The following GPM6A variants were observed in gnomAD, a reference collection of about 807,000 sequenced individuals.
The protein encoded by GPM6A is neuronal membrane glycoprotein M6-a.
A neutral mutation model predicts 32.1 loss-of-function variants in GPM6A; 7 were observed. The observed-to-expected ratio is 0.22, with a 90% CI of 0.12 to 0.41. GPM6A has a LOEUF of 0.41. Among genes scored for constraint, GPM6A ranks in the 10% least tolerant of loss-of-function variants. GPM6A has a pLI of 1.00. For missense variants in GPM6A, 235 were observed against 347.2 expected (o/e 0.68, Z 2.57); for synonymous variants, 130 against 123.4 (o/e 1.05, Z -0.35).
chr4:175,951,496 A>T (rs1278217535), intron 1 of GPM6A, among the ~76,000 whole-genome samples: 1 of 152,162 alleles, frequency 6.6e-6, no homozygotes, highest in Non-Finnish European at 1.5e-5. Flanking sequence ...ATTACCTCTG[A>T]CGGCGAAATA....
chr4:175,895,095 A>T (rs1281451995), intron 1 of GPM6A, among the ~76,000 whole-genome samples: 2 of 152,178 alleles, frequency 1.3e-5, no homozygotes, highest in African/African-American at 2.4e-5. Flanking sequence ...TGAACTTTAA[A>T]GCAAACTCAA....
At chr4:175,811,968 A>C (rs756570025) in intron 1 of GPM6A, 33 of 461,092 alleles carry the variant, frequency 7.2e-5, no homozygotes, top group Non-Finnish European at 1.2e-4. Context: ...CTTCTCACTA[A>C]TACTCGACTC....
chr4:175,887,031 T>A (rs1334013441), intron 1 of GPM6A, among the ~76,000 whole-genome samples: 5 of 151,908 alleles, frequency 3.3e-5, no homozygotes, highest in Non-Finnish European at 7.4e-5. Context: ...ACAAAATATT[T>A]CCACACAAAA....
At chr4:175,781,501 C>T (rs940393279) in intron 1 of GPM6A, among the ~76,000 whole-genome samples, 1 of 152,184 alleles carries the variant, frequency 6.6e-6, no homozygotes, top group African/African-American at 2.4e-5. Context: ...TTCTACTTCA[C>T]AGCACCAAGT....
intron 2 of GPM6A, among the ~76,000 whole-genome samples, chr4:175,688,837 A>G (rs73020160): frequency 0.047 from 7,174 of 151,868 alleles, 204 homozygotes; most frequent in Non-Finnish European, 0.063. Flanking sequence ...GGTTTTTGTT[A>G]TTTTCTGTTT....
upstream of GPM6A, among the ~76,000 whole-genome samples, chr4:175,814,687 A>G (rs1302766798): frequency 6.6e-6 from 1 of 152,210 alleles, no homozygotes. Flanking sequence ...TTTAAAATAT[A>G]CAAAAAAGTC....
chr4:175,683,064 A>G (rs541187186), intron 2 of GPM6A, among the ~76,000 whole-genome samples: 1 of 152,324 alleles, frequency 6.6e-6, no homozygotes, highest in South Asian at 2.1e-4. Context: ...AAATCCTGTG[A>G]GAGCAGCCAC....
intron 3 of GPM6A, among the ~76,000 whole-genome samples, chr4:175,669,950 C>G (rs1163696704): frequency 6.6e-6 from 1 of 151,938 alleles, no homozygotes; most frequent in Non-Finnish European, 1.5e-5. Context: ...TTACCAGCAG[C>G]CAACCAGAAG....
chr4:175,695,265 G>A (rs1420801532), intron 2 of GPM6A, among the ~76,000 whole-genome samples: 1 of 152,168 alleles, frequency 6.6e-6, no homozygotes, highest in African/African-American at 2.4e-5. Flanking sequence ...TAGTAGAGCT[G>A]TGAAAGAGGG....
intron 1 of GPM6A, among the ~76,000 whole-genome samples, chr4:175,989,968 A>C (rs1333686733): frequency 1.3e-5 from 2 of 152,196 alleles, no homozygotes; most frequent in African/African-American, 4.8e-5. Flanking sequence ...GGACAAGTAG[A>C]TCAACAAAGC....
chr4:175,692,350 T>C (rs755681420), intron 2 of GPM6A, among the ~76,000 whole-genome samples: 1 of 152,186 alleles, frequency 6.6e-6, no homozygotes, highest in Admixed American at 6.5e-5. Flanking sequence ...GGTCTTACTC[T>C]CTCTTTGTTC....
chr4:175,686,864 T>C (rs534448215), intron 2 of GPM6A, among the ~76,000 whole-genome samples: 31 of 152,332 alleles, frequency 2.0e-4, no homozygotes, highest in African/African-American at 7.5e-4. Context: ...TACAAGTCAT[T>C]TATTAGAACA....
Position 175,633,604 on chromosome 4 carries a change from A to G in GPM6A, c.*1301T>C, listed in dbSNP as rs1274784179. 6.6e-6 allele frequency: 1 copy of G among 152,540 alleles called. No homozygotes were observed. The highest frequency in any genetic ancestry group is 1.5e-5 in the Non-Finnish European group (1 of 67,962). The allele number at this position is 152,540 out of a possible 1,614,324, so 9.4% of individuals were successfully genotyped here. On this transcript the variant is annotated 3_prime_UTR_variant, in exon 7 of 7. Coordinates refer to ENST00000393658, the MANE Select transcript of GPM6A (RefSeq NM_201591.3). ...AGACACTTTACAGCATTCTTGTAGC[A>G]TTAGAAATAATGAAAAGAAGAGCGT... is the stretch of plus-strand genomic sequence containing the variant.
chr4:175,752,685 C>T (rs1732382783), intron 1 of GPM6A, among the ~76,000 whole-genome samples: 1 of 152,136 alleles, frequency 6.6e-6, no homozygotes, highest in Admixed American at 6.6e-5. Flanking sequence ...TTTCTATCTT[C>T]TTCTATTTGC....
chr4:175,656,417 C>T (rs1275179454), intron 3 of GPM6A, among the ~76,000 whole-genome samples: 2 of 152,042 alleles, frequency 1.3e-5, no homozygotes, highest in Non-Finnish European at 2.9e-5. Context: ...TTCTTGAGAT[C>T]CTACCACATG....
At chr4:175,950,307 AT>A (rs1489610991) in intron 1 of GPM6A, among the ~76,000 whole-genome samples, 1 of 152,162 alleles carries the variant, frequency 6.6e-6, no homozygotes, top group African/African-American at 2.4e-5. Flanking sequence ...TTTTTATTCA[AT>A]TTTTTTACAT....
At chr4:175,664,757 C>T (rs1742639861) in intron 3 of GPM6A, among the ~76,000 whole-genome samples, 3 of 152,148 alleles carry the variant, frequency 2.0e-5, no homozygotes, top group African/African-American at 7.2e-5. Context: ...AGATCAAGAG[C>T]CCCTTTTACT....
chr4:175,633,935 G>A lies in GPM6A; in HGVS notation c.*970C>T, dbSNP rs1026668773. 5 of 152,460 alleles carry A rather than the reference G, an allele frequency of 3.3e-5. No individual in the cohort carries two copies. The highest frequency in any genetic ancestry group is 1.2e-4 in the African/African-American group (5 of 41,418). The allele number at this position is 152,460 out of a possible 1,614,324, so 9.4% of individuals were successfully genotyped here. A position where few individuals can be genotyped will look rare whatever the true frequency, so the allele number is the denominator to read the frequency against. ...CATTTTAGGAATAGTTTACAGAGGT[G>A]CAATCCATTAAAACTTTTAAAGTAG... On this transcript the variant is annotated 3_prime_UTR_variant, in exon 7 of 7. Coordinates refer to ENST00000393658, the MANE Select transcript of GPM6A (RefSeq NM_201591.3).
intron 1 of GPM6A, among the ~76,000 whole-genome samples, chr4:175,936,962 T>C (rs750986230): frequency 1.3e-5 from 2 of 152,042 alleles, no homozygotes; most frequent in Non-Finnish European, 2.9e-5. Context: ...TATTGTGGAG[T>C]TTAGAGAGAT....
Sources: allele counts gnomAD v4.1 joint callset (sites outside exome capture counted in the v4.1 genomes callset), GRCh38; gene constraint gnomAD v4.1.1; transcripts MANE v1.5; gene names NCBI Gene and HGNC (gene_info 2026-07-23, HGNC 2026-07-21).